IQCM: variants seen among roughly 807,000 people sequenced by gnomAD.
The protein encoded by IQCM is IQ domain-containing protein M.
Under a neutral mutation model 57.6 loss-of-function variants are expected in IQCM, and 45 were observed. The ratio of observed to expected loss-of-function variants is 0.78; its 90% CI spans 0.62 to 1.00. The LOEUF (loss-of-function observed/expected upper bound fraction) is 1.00, where lower values mean the gene tolerates loss of function less well. Ranked by LOEUF, IQCM falls within the 50% of genes least tolerant of loss-of-function variation. The pLI, the probability that IQCM is intolerant of heterozygous loss-of-function variation, is 0.00. For missense variants in IQCM, 468 were observed against 511.6 expected (o/e 0.91, Z 0.82); for synonymous variants, 148 against 158.9 (o/e 0.93, Z 0.51).
At chr4:149,481,696 G>GTTTTGTTTTATTTTTTTGTT (rs1553975354) in intron 12 of IQCM, among the ~76,000 whole-genome samples, 2 of 33,616 alleles carry the variant, frequency 5.9e-5, no homozygotes, top group South Asian at 2.8e-3. Flanking sequence ...GATTCTTCCA[G>GTTTTGTTTTATTTTTTTGTT]TTTTGTTTTT....
intron 4 of IQCM, 149 bp from the exon 5 acceptor site, chr4:149,733,657 T>TA (rs1338753611): frequency 4.9e-6 from 2 of 404,212 alleles, no homozygotes; most frequent in Admixed American, 8.9e-5. Context: ...ACATTTACTC[T>TA]AATGTAAATT....
chr4:149,660,599 T>G (rs1411975393), intron 7 of IQCM, among the ~76,000 whole-genome samples: 1 of 152,070 alleles, frequency 6.6e-6, no homozygotes, highest in Non-Finnish European at 1.5e-5. Flanking sequence ...CCAACAATGA[T>G]AGACTGGATT....
intron 2 of IQCM, among the ~76,000 whole-genome samples, chr4:149,801,718 T>A (rs1345669728): frequency 2.0e-5 from 3 of 151,048 alleles, no homozygotes; most frequent in Non-Finnish European, 4.4e-5. Flanking sequence ...ACATAGAGAG[T>A]AGAAGGATGA....
intron 3 of IQCM, among the ~76,000 whole-genome samples, chr4:149,738,403 C>T (rs1184004869): frequency 6.6e-6 from 1 of 152,168 alleles, no homozygotes. Context: ...TAGCTTTCGA[C>T]AGAGGAGTTA....
At chr4:149,551,836 A>C (rs1749064242) in intron 11 of IQCM, among the ~76,000 whole-genome samples, 1 of 151,832 alleles carries the variant, frequency 6.6e-6, no homozygotes, top group African/African-American at 2.4e-5. Context: ...AAAGGAGTCC[A>C]AGTAGCTTCT....
intron 2 of IQCM, among the ~76,000 whole-genome samples, chr4:149,745,670 GA>G (rs2149919169): frequency 6.6e-6 from 1 of 152,252 alleles, no homozygotes; most frequent in Admixed American, 6.5e-5. Context: ...TCCTAAAGTA[GA>G]TGACTGATAA....
intron 2 of IQCM, among the ~76,000 whole-genome samples, chr4:149,756,675 A>T (rs534085858): frequency 2.6e-5 from 4 of 152,324 alleles, no homozygotes; most frequent in Middle Eastern, 3.4e-3. Flanking sequence ...AAAAATTTAA[A>T]AGAGGCATCA....
chr4:149,772,502 G>T (rs1453731249), intron 2 of IQCM, among the ~76,000 whole-genome samples: 3 of 151,890 alleles, frequency 2.0e-5, no homozygotes, highest in Non-Finnish European at 4.4e-5. Context: ...AAACTGCTGT[G>T]TTTTTCAAGT....
chr4:149,744,083 T>C (rs1561224857), intron 2 of IQCM, among the ~76,000 whole-genome samples: 1 of 152,230 alleles, frequency 6.6e-6, no homozygotes, highest in Non-Finnish European at 1.5e-5. Flanking sequence ...CAGGACCCTG[T>C]AGCCTCATGC....
At chr4:149,420,694 C>T (rs1035736210) in intron 13 of IQCM, among the ~76,000 whole-genome samples, 7 of 151,900 alleles carry the variant, frequency 4.6e-5, no homozygotes, top group African/African-American at 1.7e-4. Flanking sequence ...AAACAAGAAA[C>T]TGAAACCACA....
intron 12 of IQCM, among the ~76,000 whole-genome samples, chr4:149,450,657 A>G (rs574686526): frequency 1.9e-3 from 292 of 151,980 alleles, no homozygotes; most frequent in Non-Finnish European, 2.6e-3. Flanking sequence ...AACTACAACA[A>G]GATATAATCT....
At chr4:149,747,521 G>A (rs1768038506) in intron 2 of IQCM, among the ~76,000 whole-genome samples, 1 of 152,162 alleles carries the variant, frequency 6.6e-6, no homozygotes, top group African/African-American at 2.4e-5. Context: ...ATTCAGTACA[G>A]ACACAATTGT....
chr4:149,506,791 C>T lies in IQCM; in HGVS notation c.1228+41664G>A, dbSNP rs564988922. On this transcript the variant is annotated intron_variant, in intron 12 of 13. Coordinates refer to ENST00000636793, the MANE Select transcript of IQCM (RefSeq NM_001363507.2). ...AAGAAAAAATTCCCAATAACATCAG[C>T]CATTGCCTGGTTACCTCTTATCTCC... is the stretch of plus-strand genomic sequence containing the variant. Among the ~76,000 whole-genome samples the T allele has an allele frequency of 3.3e-5, 5 of 152,270 alleles. No individual in the cohort carries two copies. In the South Asian group the frequency reaches 6.2e-4, roughly 19 times the overall value.
intron 4 of IQCM, 93 bp downstream of exon 4, chr4:149,735,283 A>G (rs1430632239): frequency 2.5e-5 from 13 of 520,054 alleles, no homozygotes; most frequent in East Asian, 2.5e-4. Context: ...TATTTATTCT[A>G]TCATATCTTA....
chr4:149,551,278 C>G (rs1749002117), intron 11 of IQCM, among the ~76,000 whole-genome samples: 2 of 152,152 alleles, frequency 1.3e-5, no homozygotes, highest in South Asian at 4.1e-4. Context: ...CCTGGCTTAT[C>G]CCTTACTATC....
chr4:149,537,637 A>C (rs1369815942), intron 12 of IQCM, among the ~76,000 whole-genome samples: 1 of 151,946 alleles, frequency 6.6e-6, no homozygotes, highest in Non-Finnish European at 1.5e-5. Context: ...ATAAACAAAC[A>C]TGAAGTGATC....
intron 7 of IQCM, among the ~76,000 whole-genome samples, chr4:149,661,256 C>T (rs1010024835): frequency 6.6e-6 from 1 of 152,114 alleles, no homozygotes; most frequent in Admixed American, 6.6e-5. Context: ...TGGTATATCA[C>T]ATTTATTGAT....
chr4:149,775,993 AC>A (rs1229876728), intron 2 of IQCM, among the ~76,000 whole-genome samples: 1 of 152,148 alleles, frequency 6.6e-6, no homozygotes, highest in Non-Finnish European at 1.5e-5. Flanking sequence ...ACTCTAGGAC[AC>A]TTTTGAGACT....
At position 149,488,338 on chromosome 4, in the gene IQCM, A is replaced by T. The variant is rs190909445; in HGVS notation, c.1229-54781T>A. Among the ~76,000 whole-genome samples the T allele has an allele frequency of 6.5e-3, 991 of 152,330 alleles. 9 individuals carry two copies. The highest frequency in any genetic ancestry group is 0.017 in the Middle Eastern group (5 of 294). On this transcript the variant is annotated intron_variant, in intron 12 of 13. Coordinates refer to ENST00000636793, the MANE Select transcript of IQCM (RefSeq NM_001363507.2). ...GATTATAAAACAGGCATAAAAATAT[A>T]GTTATGCTAAAATGAGCCAACTATT... is the stretch of plus-strand genomic sequence containing the variant.
Sources: allele counts gnomAD v4.1 joint callset (sites outside exome capture counted in the v4.1 genomes callset), GRCh38; gene constraint gnomAD v4.1.1; transcripts MANE v1.5; gene names NCBI Gene and HGNC (gene_info 2026-07-23, HGNC 2026-07-21).